The following SLC24A2 variants were observed in gnomAD, a reference collection of about 807,000 sequenced individuals.
SLC24A2 encodes solute carrier family 24 member 2, also known as sodium/potassium/calcium exchanger 2.
Under a neutral mutation model 62.0 loss-of-function variants are expected in SLC24A2, and 36 were observed. The observed-to-expected ratio is 0.58, with a 90% confidence interval of 0.44 to 0.77. SLC24A2 has a LOEUF of 0.77. SLC24A2 is among the 30% of genes least tolerant of loss of function. The probability of loss-of-function intolerance (pLI) is 0.00; values close to 1 mark genes in which losing one functional copy is unlikely to be tolerated. For missense variants in SLC24A2, 846 were observed against 817.9 expected (o/e 1.03, Z -0.42); for synonymous variants, 358 against 294.0 (o/e 1.22, Z -2.23).
At chr9:20,252,420 A>T in the SLC24A2 span, among the ~76,000 whole-genome samples, 305 of 152,322 alleles carry the variant, frequency 2.0e-3, 1 homozygote, top group Non-Finnish European at 3.6e-3. Flanking sequence ...TCTCATGGCT[A>T]GCAAGAGATA....
the SLC24A2 span, among the ~76,000 whole-genome samples, chr9:19,908,142 G>C: frequency 6.6e-6 from 1 of 152,148 alleles, no homozygotes; most frequent in Non-Finnish European, 1.5e-5. Flanking sequence ...CAGAGATATA[G>C]ACCAATGGAG....
At chr9:19,567,345 G>A (rs538715415) in intron 7 of SLC24A2, among the ~76,000 whole-genome samples, 4 of 151,652 alleles carry the variant, frequency 2.6e-5, no homozygotes, top group African/African-American at 9.7e-5. Context: ...AGGAGATCAA[G>A]ACCTTCCTGG....
chr9:20,261,090 G>A, the SLC24A2 span, among the ~76,000 whole-genome samples: 4 of 151,902 alleles, frequency 2.6e-5, no homozygotes, highest in South Asian at 2.1e-4. Context: ...TCTTGACCTC[G>A]TGATCTGCCC....
At chr9:19,727,041 A>G (rs80286285) in intron 2 of SLC24A2, among the ~76,000 whole-genome samples, 3,224 of 152,232 alleles carry the variant, frequency 0.021, 124 homozygotes, top group African/African-American at 0.073. Flanking sequence ...AGCACCTACA[A>G]CATTTGGGCT....
the SLC24A2 span, among the ~76,000 whole-genome samples, chr9:20,271,428 G>A: frequency 6.6e-6 from 1 of 152,170 alleles, no homozygotes; most frequent in African/African-American, 2.4e-5. Context: ...GGTTTTGCCA[G>A]ATATATGCTG....
At chr9:19,563,301 C>G (rs531599039) in intron 7 of SLC24A2, among the ~76,000 whole-genome samples, 3 of 152,162 alleles carry the variant, frequency 2.0e-5, no homozygotes, top group African/African-American at 7.2e-5. Context: ...CACTGATGTT[C>G]CAGGAGATTG....
At chr9:19,753,510 T>C (rs925353661) in intron 2 of SLC24A2, among the ~76,000 whole-genome samples, 4 of 152,218 alleles carry the variant, frequency 2.6e-5, no homozygotes, top group Non-Finnish European at 1.5e-5. Flanking sequence ...AAAACTAATC[T>C]TTATTTTTAA....
the SLC24A2 span, among the ~76,000 whole-genome samples, chr9:19,867,761 A>C: frequency 6.6e-6 from 1 of 152,118 alleles, no homozygotes; most frequent in Non-Finnish European, 1.5e-5. Flanking sequence ...TACAAAAATT[A>C]GCTGGGCGTG....
chr9:19,551,721 G>GGCTCAT (rs1834855977), intron 7 of SLC24A2, among the ~76,000 whole-genome samples: 2 of 152,298 alleles, frequency 1.3e-5, no homozygotes, highest in East Asian at 3.9e-4. Context: ...ATGAGGGGCA[G>GGCTCAT]GCTCAGGTCA....
intron 8 of SLC24A2, among the ~76,000 whole-genome samples, chr9:19,535,829 C>T (rs567704769): frequency 4.3e-4 from 66 of 152,250 alleles, no homozygotes; most frequent in Non-Finnish European, 8.4e-4. Context: ...TATACAGGCT[C>T]TTTTTTGGTT....
At chr9:19,654,792 G>A (rs1044495711) in intron 2 of SLC24A2, among the ~76,000 whole-genome samples, 2 of 152,142 alleles carry the variant, frequency 1.3e-5, no homozygotes, top group African/African-American at 4.8e-5. Flanking sequence ...GCCCAGTCCA[G>A]AGTTATTCCC....
At chr9:19,777,392 T>C (rs935952885) in intron 2 of SLC24A2, among the ~76,000 whole-genome samples, 3 of 152,204 alleles carry the variant, frequency 2.0e-5, no homozygotes, top group East Asian at 3.8e-4. Flanking sequence ...TGGCAGAAAC[T>C]TTAAAAAGCT....
At chr9:19,974,589 C>A in the SLC24A2 span, among the ~76,000 whole-genome samples, 1 of 152,130 alleles carries the variant, frequency 6.6e-6, no homozygotes, top group African/African-American at 2.4e-5. Context: ...AAGACCAAAG[C>A]CTCTTTGAAG....
chr9:19,731,337 T>C (rs1821326671), intron 2 of SLC24A2, among the ~76,000 whole-genome samples: 5 of 152,230 alleles, frequency 3.3e-5, no homozygotes, highest in Admixed American at 3.3e-4. Flanking sequence ...AATGTTTGTG[T>C]ACCAACCCCA....
chr9:19,526,520 C>G (rs1833453629), intron 9 of SLC24A2, among the ~76,000 whole-genome samples: 1 of 152,162 alleles, frequency 6.6e-6, no homozygotes, highest in Non-Finnish European at 1.5e-5. Context: ...TTGTTAGGTT[C>G]TGTCTTTTTG....
the SLC24A2 span, among the ~76,000 whole-genome samples, chr9:19,989,484 G>C: frequency 1.3e-5 from 2 of 152,184 alleles, no homozygotes; most frequent in Non-Finnish European, 2.9e-5. Flanking sequence ...ACCTAGTCCA[G>C]TCAGTCCTTT....
chr9:19,841,475 G>C, the SLC24A2 span, among the ~76,000 whole-genome samples: 3 of 152,178 alleles, frequency 2.0e-5, no homozygotes, highest in Admixed American at 6.5e-5. Context: ...CATAGGTGAA[G>C]TGCCCCTCAA....
the SLC24A2 span, among the ~76,000 whole-genome samples, chr9:20,234,841 T>C: frequency 1.3e-5 from 2 of 152,218 alleles, no homozygotes; most frequent in African/African-American, 4.8e-5. Context: ...TCTGTTTTTT[T>C]CCCATCTTTG....
intron 2 of SLC24A2, among the ~76,000 whole-genome samples, chr9:19,710,127 C>A (rs1255637141): frequency 1.3e-5 from 2 of 152,082 alleles, no homozygotes; most frequent in Admixed American, 1.3e-4. Context: ...TGGAGAGGGG[C>A]CTCTTTACAA....
Sources: gnomAD v4.1 joint callset for allele counts (sites outside exome capture counted in the v4.1 genomes callset) on GRCh38, gnomAD v4.1.1 for gene constraint, MANE v1.5 for transcripts, NCBI Gene and HGNC (gene_info 2026-07-23, HGNC 2026-07-21) for gene names.